Variants in HCN4 observed in about 807,000 individuals in gnomAD.
HCN4 encodes the protein hyperpolarization activated cyclic nucleotide gated potassium channel 4, also known as potassium/sodium hyperpolarization-activated cyclic nucleotide-gated channel 4.
HCN4 carries 29 observed loss-of-function variants against 76.9 expected under a neutral mutation model. The observed-to-expected ratio is 0.38, with a 90% CI of 0.28 to 0.51. The LOEUF is 0.51. Ranked by LOEUF, HCN4 falls within the 20% of genes least tolerant of loss-of-function variation. The pLI is 0.90. For missense variants in HCN4, 1,416 were observed against 1,715.2 expected (o/e 0.83, Z 3.08); for synonymous variants, 772 against 762.5 (o/e 1.01, Z -0.21).
rs1265876338 is a variant in HCN4 at position 73,324,245 on chromosome 15, G to T, written c.1987C>A (p.Leu663Met). The T allele has an allele frequency of 5.6e-6, 9 of 1,613,782 alleles. No homozygotes were observed. The highest frequency in any genetic ancestry group is 2.7e-5 in the African/African-American group (2 of 74,944). Reference protein sequence around the residue: ...ADGSYFGEICLLTRGRRTASV... With the variant: ...ADGSYFGEICMLTRGRRTASV... Reference sequence around the variant, plus strand: ...GCTGTGCGCCGGCCCCGGGTCAGCAGGCAGATCTCTGCCAGAGCATCAGGA... The same window carrying T: ...GCTGTGCGCCGGCCCCGGGTCAGCATGCAGATCTCTGCCAGAGCATCAGGA... The change falls in exon 7 of 8, where the codon CTG (leucine) becomes ATG (methionine). Residue 663 changes from leucine to methionine, a missense_variant. Leu to Met is a conservative substitution (Grantham distance 15, BLOSUM62 2). Transcript: ENST00000261917.
In HCN4 at chr15:73,354,778, C is replaced by CCATCAT. The variant is rs758405542; in HGVS notation, c.786-10976_786-10971dup. On this transcript the variant is annotated intron_variant, in intron 1 of 7. Transcript: ENST00000261917. ...GCCATTATCCCCATCATCATCATCC[C>CCATCAT]CATCATCATCATCATCATCATCATT... is the stretch of plus-strand genomic sequence containing the variant. Among the ~76,000 whole-genome samples the CCATCAT allele has an allele frequency of 5.9e-5, 9 of 151,682 alleles. No individual in the cohort carries two copies. In the East Asian group the frequency reaches 1.2e-3, roughly 19 times the overall value.
At chr15:73,333,087 A>T (rs2042942065) in intron 2 of HCN4, among the ~76,000 whole-genome samples, 1 of 152,126 alleles carries the variant, frequency 6.6e-6, no homozygotes, top group South Asian at 2.1e-4. Flanking sequence ...AGCACCCTTG[A>T]CCCCAGCCCA....
At chr15:73,347,809 A>C (rs1200487634) in intron 1 of HCN4, among the ~76,000 whole-genome samples, 1 of 152,158 alleles carries the variant, frequency 6.6e-6, no homozygotes, top group Non-Finnish European at 1.5e-5. Flanking sequence ...TAGGGGCCCT[A>C]GTCTCTCCAA....
intron 1 of HCN4, among the ~76,000 whole-genome samples, chr15:73,356,204 T>TG (rs34778199): frequency 6.8e-5 from 10 of 147,518 alleles, no homozygotes; most frequent in African/African-American, 2.5e-4. Context: ...TTTTTTTTTT[T>TG]GAGATAGGGT....
chr15:73,358,537 G>T (rs540393877), intron 1 of HCN4, among the ~76,000 whole-genome samples: 1 of 152,328 alleles, frequency 6.6e-6, no homozygotes, highest in Admixed American at 6.5e-5. Flanking sequence ...TAAGGCAGGA[G>T]AAGCGAGTCT....
chr15:73,357,209 C>CA (rs2043085205), intron 1 of HCN4, among the ~76,000 whole-genome samples: 2 of 152,298 alleles, frequency 1.3e-5, no homozygotes, highest in South Asian at 4.1e-4. Flanking sequence ...AAGCAAGACT[C>CA]AGAGAGGTGA....
intron 2 of HCN4, among the ~76,000 whole-genome samples, chr15:73,337,645 G>A (rs911816059): frequency 7.2e-5 from 11 of 152,184 alleles, no homozygotes; most frequent in South Asian, 2.1e-4. Flanking sequence ...CAATGAACAC[G>A]GCACAGAGCA....
intron 1 of HCN4, among the ~76,000 whole-genome samples, chr15:73,357,405 G>A (rs1399713951): frequency 1.3e-5 from 2 of 152,116 alleles, no homozygotes; most frequent in Non-Finnish European, 1.5e-5. Flanking sequence ...CAATCCCAGA[G>A]TAGATGATCC....
chr15:73,362,607 G>C (rs2043110091), intron 1 of HCN4, among the ~76,000 whole-genome samples: 1 of 152,216 alleles, frequency 6.6e-6, no homozygotes, highest in African/African-American at 2.4e-5. Flanking sequence ...TGGTGGCCAG[G>C]GTGGCCTGAG....
chr15:73,327,090 C>A (rs2042904604), intron 4 of HCN4, among the ~76,000 whole-genome samples: 1 of 150,726 alleles, frequency 6.6e-6, no homozygotes, highest in African/African-American at 2.4e-5. Context: ...CCCAGCCTCC[C>A]AGACGCTTTT....
chr15:73,358,784 T>A (rs1043052662), intron 1 of HCN4, among the ~76,000 whole-genome samples: 1 of 152,128 alleles, frequency 6.6e-6, no homozygotes, highest in Non-Finnish European at 1.5e-5. Flanking sequence ...ACAGAGTGGT[T>A]CTCTCTTTCC....
chr15:73,340,400 T>C (rs2042993942), intron 2 of HCN4, among the ~76,000 whole-genome samples: 1 of 152,122 alleles, frequency 6.6e-6, no homozygotes, highest in African/African-American at 2.4e-5. Flanking sequence ...TTCATGGCAG[T>C]CTAGCTGTGG....
intron 4 of HCN4, among the ~76,000 whole-genome samples, chr15:73,327,730 T>C (rs980283373): frequency 1.3e-5 from 2 of 152,082 alleles, no homozygotes; most frequent in African/African-American, 2.4e-5. Context: ...GCCAGGCTAA[T>C]TTCTCTGCCA....
At chr15:73,326,789 A>AT (rs1363132655) in intron 4 of HCN4, among the ~76,000 whole-genome samples, 29 of 144,582 alleles carry the variant, frequency 2.0e-4, no homozygotes, top group African/African-American at 2.8e-4. Flanking sequence ...TTATTTATTT[A>AT]TTTATTTTTT....
chr15:73,336,838 A>G (rs2042968966), intron 2 of HCN4, among the ~76,000 whole-genome samples: 1 of 152,140 alleles, frequency 6.6e-6, no homozygotes, highest in Non-Finnish European at 1.5e-5. Context: ...TCTTGGAGAC[A>G]TAAATCAGAC....
intron 4 of HCN4, among the ~76,000 whole-genome samples, chr15:73,326,541 G>A (rs977074045): frequency 6.6e-6 from 1 of 152,152 alleles, no homozygotes; most frequent in African/African-American, 2.4e-5. Flanking sequence ...AACAGGTAGG[G>A]GTAGGGAGGC....
intron 1 of HCN4, among the ~76,000 whole-genome samples, chr15:73,353,031 T>C (rs2043061983): frequency 6.6e-6 from 1 of 151,946 alleles, no homozygotes; most frequent in East Asian, 1.9e-4. Flanking sequence ...GATGGATGGA[T>C]GGATGGATGG....
At chr15:73,357,782 G>A (rs546107422) in intron 1 of HCN4, among the ~76,000 whole-genome samples, 29 of 152,142 alleles carry the variant, frequency 1.9e-4, no homozygotes, top group African/African-American at 2.4e-4. Context: ...GACAAGGGCC[G>A]ACAAAGCCTC....
chr15:73,356,997 G>T (rs954454708), intron 1 of HCN4, among the ~76,000 whole-genome samples: 3 of 152,142 alleles, frequency 2.0e-5, no homozygotes, highest in Non-Finnish European at 4.4e-5. Flanking sequence ...GGGGCTTGGG[G>T]ATGCCCAGCT....
Sources: gnomAD v4.1 joint callset for allele counts (sites outside exome capture counted in the v4.1 genomes callset) on GRCh38, gnomAD v4.1.1 for gene constraint, MANE v1.5 for transcripts, NCBI Gene and HGNC (gene_info 2026-07-23, HGNC 2026-07-21) for gene names.